ZNRF2: variants seen among roughly 807,000 people sequenced by gnomAD.
ZNRF2 encodes zinc and ring finger 2, also known as E3 ubiquitin-protein ligase ZNRF2.
A neutral mutation model predicts 20.4 loss-of-function variants in ZNRF2; 16 were observed. The ratio of observed to expected loss-of-function variants is 0.79; its 90% confidence interval spans 0.53 to 1.19. ZNRF2 has a LOEUF of 1.19. Ranked by LOEUF, ZNRF2 falls within the 50% of genes most tolerant of loss-of-function variation. ZNRF2 has a pLI of 0.00. For synonymous variants in ZNRF2, 178 were observed against 144.9 expected (o/e 1.23, Z -1.64); for missense variants, 363 against 332.4 (o/e 1.09, Z -0.72).
At chr7:30,307,326 GTTTTTTT>G (rs78007797) in intron 1 of ZNRF2, among the ~76,000 whole-genome samples, 585 of 43,250 alleles carry the variant, frequency 0.014, 3 homozygotes, top group African/African-American at 0.036. Flanking sequence ...GTTTTTTTTT[GTTTTTTT>G]TTTTTTTTTT....
intron 1 of ZNRF2, among the ~76,000 whole-genome samples, chr7:30,287,307 G>T (rs533798457): frequency 6.6e-6 from 1 of 152,094 alleles, no homozygotes; most frequent in Non-Finnish European, 1.5e-5. Flanking sequence ...AGGGCAAACT[G>T]GTTTTTAATG....
At chr7:30,328,781 G>T (rs1270584047) in intron 2 of ZNRF2, among the ~76,000 whole-genome samples, 1 of 152,190 alleles carries the variant, frequency 6.6e-6, no homozygotes, top group Non-Finnish European at 1.5e-5. Flanking sequence ...CTCAGGGATT[G>T]GGCAGCTGGC....
intron 1 of ZNRF2, among the ~76,000 whole-genome samples, chr7:30,322,759 G>T (rs1431491850): frequency 6.6e-6 from 1 of 152,142 alleles, no homozygotes; most frequent in Non-Finnish European, 1.5e-5. Flanking sequence ...CTGGGTTCAG[G>T]TTTCCAAACA....
chr7:30,327,344 C>T (rs1342070558), intron 2 of ZNRF2, among the ~76,000 whole-genome samples: 1 of 152,064 alleles, frequency 6.6e-6, no homozygotes, highest in Non-Finnish European at 1.5e-5. Flanking sequence ...GGTAGGGGTC[C>T]AGTTTCAATC....
At chr7:30,308,083 A>G (rs1799236994) in intron 1 of ZNRF2, among the ~76,000 whole-genome samples, 1 of 152,146 alleles carries the variant, frequency 6.6e-6, no homozygotes. Context: ...CATAATCCGT[A>G]CATTTGTAAT....
intron 1 of ZNRF2, among the ~76,000 whole-genome samples, chr7:30,318,536 C>G (rs1314787543): frequency 6.6e-6 from 1 of 152,076 alleles, no homozygotes; most frequent in African/African-American, 2.4e-5. Context: ...ACAAAAAACC[C>G]AAAAATCTCA....
chr7:30,320,206 A>G (rs1159685288), intron 1 of ZNRF2, among the ~76,000 whole-genome samples: 1 of 152,072 alleles, frequency 6.6e-6, no homozygotes, highest in Admixed American at 6.5e-5. Flanking sequence ...TATATGTTAT[A>G]TATGTAGATC....
intron 1 of ZNRF2, among the ~76,000 whole-genome samples, chr7:30,314,548 G>A (rs1799337993): frequency 6.6e-6 from 1 of 151,818 alleles, no homozygotes; most frequent in African/African-American, 2.4e-5. Flanking sequence ...GTTGATTGAT[G>A]GGCTAGAAGG....
chr7:30,309,052 A>C (rs1471171191), intron 1 of ZNRF2, among the ~76,000 whole-genome samples: 1 of 152,162 alleles, frequency 6.6e-6, no homozygotes, highest in East Asian at 1.9e-4. Flanking sequence ...TGTATAAATA[A>C]ATTCATATAT....
chr7:30,324,816 G>A (rs1799527523), intron 2 of ZNRF2, among the ~76,000 whole-genome samples: 1 of 151,952 alleles, frequency 6.6e-6, no homozygotes, highest in South Asian at 2.1e-4. Context: ...TTTTCTTTTT[G>A]TTTAAGAGTA....
intron 2 of ZNRF2, among the ~76,000 whole-genome samples, chr7:30,334,987 C>CT (rs1194746118): frequency 8.6e-5 from 13 of 150,536 alleles, no homozygotes; most frequent in South Asian, 4.2e-4. Flanking sequence ...TGTTGAGGTA[C>CT]TTTTTTTTTC....
In ZNRF2 at chr7:30,285,590, C is replaced by T; in HGVS notation, c.233C>T (p.Pro78Leu). The T allele has an allele frequency of 9.1e-7, 1 of 1,093,004 alleles. No homozygotes were observed. Among genetic ancestry groups the T allele is most frequent in the African/African-American group, 1.7e-5 (1 of 59,006 alleles). The allele number at this position is 1,093,004 out of a possible 1,614,324, so 67.7% of individuals were successfully genotyped here. The change falls in exon 1 of 5, where the codon CCG (proline) becomes CTG (leucine). Residue 78 changes from proline to leucine, a missense_variant. By Grantham distance (98) the Pro-to-Leu change is moderately conservative. This residue lies in a region of ZNRF2 where 302 missense variants were observed against 231.5 expected (regional missense o/e 1.30). Transcript: ENST00000323037. ...AAAAPAAPAAPRSRSLGGAVG... is the reference protein window; with the variant it reads ...AAAAPAAPAALRSRSLGGAVG... ...GCGGCCCCGGCAGCCCCGGCGGCCC[C>T]GCGCAGCCGCTCCCTCGGCGGGGCC...
intron 1 of ZNRF2, among the ~76,000 whole-genome samples, chr7:30,314,353 T>C (rs983687961): frequency 6.6e-6 from 1 of 152,180 alleles, no homozygotes; most frequent in African/African-American, 2.4e-5. Context: ...CAACATAGCA[T>C]CACAGTGACA....
chr7:30,365,019 G>A (rs902979201), intron 4 of ZNRF2, among the ~76,000 whole-genome samples: 1 of 152,054 alleles, frequency 6.6e-6, no homozygotes, highest in African/African-American at 2.4e-5. Flanking sequence ...CTGCATTCAT[G>A]TGGTCAGAGC....
chr7:30,289,071 T>C (rs1427257459), intron 1 of ZNRF2: 2 of 152,238 alleles, frequency 1.3e-5, no homozygotes, highest in African/African-American at 4.8e-5. Flanking sequence ...TTCTATAATG[T>C]ATCCTTGAGT....
At chr7:30,342,723 T>C (rs1035202443) in intron 2 of ZNRF2, among the ~76,000 whole-genome samples, 11 of 152,164 alleles carry the variant, frequency 7.2e-5, no homozygotes, top group African/African-American at 2.7e-4. Flanking sequence ...CTTTCTTGTT[T>C]TTCAGCAGAA....
chr7:30,289,920 G>A (rs756680847), intron 1 of ZNRF2: 16 of 533,572 alleles, frequency 3.0e-5, no homozygotes, highest in South Asian at 2.2e-4. Context: ...CGCTTTGCCT[G>A]GTGACCAGTA....
intron 1 of ZNRF2, among the ~76,000 whole-genome samples, chr7:30,320,061 C>A (rs907713851): frequency 6.6e-5 from 10 of 151,964 alleles, no homozygotes; most frequent in African/African-American, 2.4e-4. Flanking sequence ...TTTATTTAAC[C>A]ACGAATTCTT....
At chr7:30,312,047 A>T (rs944676362) in intron 1 of ZNRF2, among the ~76,000 whole-genome samples, 4 of 152,116 alleles carry the variant, frequency 2.6e-5, no homozygotes, top group Non-Finnish European at 5.9e-5. Context: ...ATTCTATCAA[A>T]TTTTGTTAGG....
Sources: allele counts gnomAD v4.1 joint callset (sites outside exome capture counted in the v4.1 genomes callset), GRCh38; gene constraint gnomAD v4.1.1; regional missense constraint gnomAD v4.1.1; transcripts MANE v1.5; gene names NCBI Gene and HGNC (gene_info 2026-07-23, HGNC 2026-07-21).